Variants in CENPL observed in about 807,000 individuals in gnomAD.
CENPL encodes centromere protein L.
A neutral mutation model predicts 35.2 loss-of-function variants in CENPL; 20 were observed. The ratio of observed to expected loss-of-function variants is 0.57; its 90% CI spans 0.40 to 0.83. The LOEUF is 0.83. CENPL is among the 40% of genes least tolerant of loss of function. The pLI, the probability that CENPL is intolerant of heterozygous loss-of-function variation, is 0.00. For synonymous variants in CENPL, 140 were observed against 140.6 expected, an observed-to-expected ratio of 1.00 and a Z score of 0.03; for missense variants, 363 against 395.8, an observed-to-expected ratio of 0.92 and a Z score of 0.70.
rs189560128 is a variant in CENPL, at chr1:173,818,170, A to T, written c.-8+5756T>A. 3.9e-3 allele frequency among the ~76,000 whole-genome samples: 597 copies of T among 152,170 alleles called. 6 individuals carry two copies. Among genetic ancestry groups the T allele is most frequent in the African/African-American group, 0.014 (564 of 41,528 alleles). ...AAGTATAATTTAAAAAATAAAATAA[A>T]TTTTTTAAAAATGTTAAAAAAAAAA... On this transcript the variant is annotated intron_variant, in intron 2 of 5. Transcript: ENST00000682279.
Position 173,807,473 on chromosome 1 carries a change from A to G in CENPL, c.214T>C (p.Trp72Arg). The part of the protein sequence containing the change: ...QKVAFLLHKQ[W>R]TLYSLTPLYK... ...AAGGGAGTTAAACTATATAAAGTCC[A>G]CTGTTTATGCAGAAGGAATGCAACC... Residue 72 changes from tryptophan to arginine, a missense_variant, in exon 4 of 6, where the codon TGG becomes CGG. Coordinates refer to ENST00000682279, the MANE Select transcript of CENPL (RefSeq NM_001387287.1). The G allele has an allele frequency of 1.3e-6, 2 of 1,585,978 alleles. No homozygotes were observed. Among genetic ancestry groups the G allele is most frequent in the Non-Finnish European group, 1.7e-6 (2 of 1,162,468 alleles).
At position 173,800,430 on chromosome 1, in the gene CENPL, T is replaced by TA. The variant is rs774520538; in HGVS notation, c.*17dup. The TA allele has an allele frequency of 4.8e-6, 5 of 1,044,676 alleles. No homozygotes were observed. The highest frequency in any genetic ancestry group is 1.8e-5 in the Admixed American group (1 of 55,266). The allele number at this position is 1,044,676 out of a possible 1,614,324, so 64.7% of individuals were successfully genotyped here. A position where few individuals can be genotyped will look rare whatever the true frequency, so the allele number is the denominator to read the frequency against. On this transcript the variant is annotated 3_prime_UTR_variant, in exon 6 of 6. Transcript: ENST00000682279. Reference sequence around the variant, plus strand: ...CAATAAGAGTATATAATCTATAACTTATAGTCCACATAAGGCTTCACTCAA... The same window carrying TA: ...CAATAAGAGTATATAATCTATAACTTAATAGTCCACATAAGGCTTCACTCAA...
chr1:173,803,677 C>CTT (rs141936109), intron 4 of CENPL, among the ~76,000 whole-genome samples, 172 bp from the exon 5 acceptor site: 1 of 145,894 alleles, frequency 6.9e-6, no homozygotes. Flanking sequence ...AATAATTGGC[C>CTT]TTTTTTTTTT....
chr1:173,815,445 C>T (rs1287114630), intron 2 of CENPL, among the ~76,000 whole-genome samples: 8 of 152,282 alleles, frequency 5.3e-5, no homozygotes, highest in Non-Finnish European at 4.4e-5. Context: ...CAATAAAATA[C>T]TGGCAAACTG....
chr1:173,802,553 A>G (rs879671394), intron 5 of CENPL, among the ~76,000 whole-genome samples: 2 of 152,150 alleles, frequency 1.3e-5, no homozygotes, highest in Admixed American at 1.3e-4. Flanking sequence ...GAATAAAACA[A>G]TGTCTCTATT....
At chr1:173,812,880 C>T (rs1222516389) in intron 2 of CENPL, among the ~76,000 whole-genome samples, 1 of 152,104 alleles carries the variant, frequency 6.6e-6, no homozygotes, top group Non-Finnish European at 1.5e-5. Context: ...CTTCTCAGAG[C>T]TAAAGGAGCA....
chr1:173,802,247 C>T (rs1396316833), intron 5 of CENPL, among the ~76,000 whole-genome samples: 1 of 151,810 alleles, frequency 6.6e-6, no homozygotes, highest in Admixed American at 6.6e-5. Flanking sequence ...GCTCTGTCAC[C>T]CAGGCTGGAG....
At chr1:173,802,067 A>G (rs1649801539) in intron 5 of CENPL, among the ~76,000 whole-genome samples, 1 of 151,972 alleles carries the variant, frequency 6.6e-6, no homozygotes, top group Non-Finnish European at 1.5e-5. Context: ...ACCTAACTAC[A>G]GGGTTGCTCT....
chr1:173,811,289 T>C lies in CENPL; in HGVS notation c.11A>G (p.Tyr4Cys), dbSNP rs778033095. MDS[Y>C]SAPESTPSAS... Reference sequence around the variant, plus strand: ...ACTAGGAGTTGACTCTGGTGCACTGTAAGAATCCATGGTCTGTCTGCATAA... The same window carrying C: ...ACTAGGAGTTGACTCTGGTGCACTGCAAGAATCCATGGTCTGTCTGCATAA... Residue 4 changes from tyrosine (Y) to cysteine (C), a missense_variant, in exon 3 of 6, where the codon TAC becomes TGC. Coordinates refer to ENST00000682279, the MANE Select transcript of CENPL (RefSeq NM_001387287.1). The C allele has an allele frequency of 1.9e-6, 3 of 1,601,998 alleles. No homozygotes were observed. The highest frequency in any genetic ancestry group is 2.6e-6 in the Non-Finnish European group (3 of 1,170,974).
chr1:173,815,783 G>A (rs1167072766), intron 2 of CENPL, among the ~76,000 whole-genome samples: 1 of 152,130 alleles, frequency 6.6e-6, no homozygotes, highest in Non-Finnish European at 1.5e-5. Flanking sequence ...GCACAAGACA[G>A]GGATGCCCTC....
chr1:173,815,915 C>G (rs1172982248), intron 2 of CENPL, among the ~76,000 whole-genome samples: 1 of 152,176 alleles, frequency 6.6e-6, no homozygotes, highest in Non-Finnish European at 1.5e-5. Flanking sequence ...TTGCAGATGA[C>G]ATGACTGTAT....
rs762321967 is a variant in CENPL, at chr1:173,807,384, A to G, written c.303T>C (p.Ala101=). The G allele has an allele frequency of 2.5e-6, 4 of 1,613,718 alleles. No homozygotes were observed. Among genetic ancestry groups the G allele is most frequent in the Non-Finnish European group, 3.4e-6 (4 of 1,179,782 alleles). Residue 101 remains alanine, a synonymous_variant, in exon 4 of 6, where the codon GCT becomes GCC. Coordinates refer to ENST00000682279, the MANE Select transcript of CENPL (RefSeq NM_001387287.1). The part of the protein sequence containing the change: ...YSRLLNAFIV[A]EKQKGLAVEV... ...CCACAGCAAGTCCTTTTTGCTTTTC[A>G]GCAACAATAAAAGCATTGAGAAGTC...
At chr1:173,804,521 T>G (rs960950362) in intron 4 of CENPL, among the ~76,000 whole-genome samples, 16 of 152,346 alleles carry the variant, frequency 1.1e-4, no homozygotes, top group African/African-American at 3.6e-4. Context: ...AAGGTCTCAT[T>G]GCAAGACTAA....
intron 2 of CENPL, among the ~76,000 whole-genome samples, chr1:173,817,177 G>A (rs1651477799): frequency 6.6e-6 from 1 of 151,276 alleles, no homozygotes; most frequent in African/African-American, 2.4e-5. Flanking sequence ...AATAAATACT[G>A]TCTGCACAGC....
intron 2 of CENPL, among the ~76,000 whole-genome samples, chr1:173,820,095 T>C (rs1651804280): frequency 6.6e-6 from 1 of 152,136 alleles, no homozygotes; most frequent in Admixed American, 6.6e-5. Flanking sequence ...ATTTCAGATT[T>C]TCTCAAATTT....
At chr1:173,814,960 GA>G (rs777711148) in intron 2 of CENPL, among the ~76,000 whole-genome samples, 1 of 152,136 alleles carries the variant, frequency 6.6e-6, no homozygotes, top group Non-Finnish European at 1.5e-5. Flanking sequence ...AAGAAGAAAA[GA>G]GAGAAGAAGC....
chr1:173,802,812 T>C, intron 5 of CENPL, 151 bp downstream of exon 5: 2 of 582,850 alleles, frequency 3.4e-6, no homozygotes, highest in Admixed American at 3.3e-5. Flanking sequence ...GGCTAAAGAC[T>C]GCAATAAACC....
chr1:173,811,235 AT>A lies in CENPL; in HGVS notation c.64del (p.Ile22Ter). Reference protein sequence around the residue: ...SASSRPEDYFIGATPLQKRLE... With the variant: ...SASSRPEDYFXGATPLQKRLE... ...TCGTTTCTGCAGAGGAGTGGCACCTATAAAGTAATCTTCAGGTCTTGAGGAT... is the reference window on the plus strand; with the variant it reads ...TCGTTTCTGCAGAGGAGTGGCACCTAAAAGTAATCTTCAGGTCTTGAGGAT... On this transcript the variant is annotated frameshift_variant, in exon 3 of 6. Transcript: ENST00000682279. LOFTEE classifies it high-confidence loss of function. 1 of 1,613,458 alleles carries A rather than the reference AT, an allele frequency of 6.2e-7. No homozygotes were observed.
intron 3 of CENPL, among the ~76,000 whole-genome samples, chr1:173,810,629 T>A (rs1650718533): frequency 2.6e-5 from 4 of 152,076 alleles, no homozygotes; most frequent in Admixed American, 2.6e-4. Flanking sequence ...ACTTTAAAAA[T>A]AAATAAACAG....
Sources: gnomAD v4.1 joint callset for allele counts (sites outside exome capture counted in the v4.1 genomes callset) on GRCh38, gnomAD v4.1.1 for gene constraint, MANE v1.5 for transcripts, NCBI Gene and HGNC (gene_info 2026-07-23, HGNC 2026-07-21) for gene names.